The following CWH43 variants were observed in gnomAD, a reference collection of about 807,000 sequenced individuals.
The protein encoded by CWH43 is PGAP2-interacting protein.
In CWH43, 91 loss-of-function variants were observed where a neutral mutation model predicts 85.7. That is an observed-to-expected ratio of 1.06 (90% CI 0.90 to 1.26). The LOEUF (loss-of-function observed/expected upper bound fraction) is 1.26. Ranked by LOEUF, CWH43 falls within the 50% of genes most tolerant of loss-of-function variation. The probability of loss-of-function intolerance (pLI) is 0.00; values close to 1 mark genes in which losing one functional copy is unlikely to be tolerated. For synonymous variants in CWH43, 323 were observed against 293.6 expected (o/e 1.10, Z -1.02); for missense variants, 869 against 839.2 (o/e 1.04, Z -0.44).
At chr4:49,007,969 T>C (rs928583947) in intron 8 of CWH43, among the ~76,000 whole-genome samples, 2 of 152,212 alleles carry the variant, frequency 1.3e-5, no homozygotes, top group Non-Finnish European at 2.9e-5. Context: ...TGATTTATAA[T>C]CCTTTGGGTA....
intron 15 of CWH43, among the ~76,000 whole-genome samples, chr4:49,056,454 C>A (rs1232683081): frequency 6.6e-6 from 1 of 152,060 alleles, no homozygotes; most frequent in Non-Finnish European, 1.5e-5. Flanking sequence ...AATTTTTTGG[C>A]ATATTATTGC....
chr4:48,987,981 G>T (rs1782544592), intron 1 of CWH43, among the ~76,000 whole-genome samples: 6 of 152,112 alleles, frequency 3.9e-5, no homozygotes, highest in Admixed American at 3.9e-4. Context: ...CTGACGGGAT[G>T]CCAAATTCAA....
At position 49,002,384 on chromosome 4, in the gene CWH43, A is replaced by G. The variant is rs544541651; in HGVS notation, c.803-1351A>G. On this transcript the variant is annotated intron_variant, in intron 6 of 15. Transcript: ENST00000226432. ...ATGTACATTAAAATGTTTTAGAAAA[A>G]AATTATTTACACTAGTAAATGTTCC... Among the ~76,000 whole-genome samples the G allele has an allele frequency of 2.0e-5, 3 of 152,298 alleles. No individual in the cohort carries two copies. The South Asian group carries it at 6.2e-4, about 32-fold the overall frequency.
Position 49,017,145 on chromosome 4 carries a change from A to G in CWH43, c.1187-104A>G, listed in dbSNP as rs1285710989. On this transcript the variant is annotated intron_variant, in intron 8 of 15. Transcript: ENST00000226432. ...AGGTCCTCCAAGAAGAACTTCCTGG[A>G]GGGTGCCATGGCACTGGAGCTGAGG... 8.6e-6 allele frequency: 8 copies of G among 929,076 alleles called. No individual in the cohort carries two copies. In the African/African-American group the frequency reaches 1.3e-4, roughly 15 times the overall value. The allele number at this position is 929,076 out of a possible 1,614,324, so 57.6% of individuals were successfully genotyped here.
intron 8 of CWH43, among the ~76,000 whole-genome samples, chr4:49,010,411 C>T (rs1367241972): frequency 2.0e-5 from 3 of 152,024 alleles, no homozygotes; most frequent in Non-Finnish European, 1.5e-5. Flanking sequence ...TTTTGTTAAT[C>T]TTTTCAAAAA....
chr4:49,056,565 TAGTA>T (rs890639840), intron 15 of CWH43, among the ~76,000 whole-genome samples: 1 of 152,108 alleles, frequency 6.6e-6, no homozygotes, highest in African/African-American at 2.4e-5. Context: ...CTTTTTTTCT[TAGTA>T]AGTCTAGCTA....
chr4:49,060,963 A>G (rs1244880908), intron 15 of CWH43, among the ~76,000 whole-genome samples: 2 of 152,212 alleles, frequency 1.3e-5, no homozygotes, highest in Admixed American at 6.5e-5. Flanking sequence ...TCCAAATAGT[A>G]TATTATGAAC....
chr4:48,990,658 G>A (rs1782631244), intron 2 of CWH43, among the ~76,000 whole-genome samples: 1 of 152,136 alleles, frequency 6.6e-6, no homozygotes, highest in Admixed American at 6.6e-5. Flanking sequence ...ACAAGGATGT[G>A]GGGAAATTGG....
rs752234349 is a variant in CWH43 at position 49,030,965 on chromosome 4, G to T, written c.1508+5G>T. On this transcript the variant is annotated splice_donor_5th_base_variant and intron_variant, in intron 11 of 15. Coordinates refer to ENST00000226432, the MANE Select transcript of CWH43 (RefSeq NM_025087.3). ...CACAAGGTATCACACTTGGGGGTGA[G>T]TATACCTTGGGAGTTAATCCCGAAG... 4.9e-5 allele frequency: 77 copies of T among 1,575,714 alleles called. No homozygotes were observed. The Admixed American group carries it at 1.5e-3, about 31-fold the overall frequency.
rs1784142350 is a variant in CWH43, at chr4:49,032,801, C to T, written c.1658+86C>T. On this transcript the variant is annotated intron_variant, in intron 12 of 15. Transcript: ENST00000226432. ...CTTTGATTTCTATGAAATCACCTTT[C>T]TCATTTTCTTCTTTTTTACCTCCCA... The T allele has an allele frequency of 2.0e-6, 3 of 1,498,838 alleles. No homozygotes were observed. The African/African-American group carries it at 4.2e-5, about 21-fold the overall frequency. 92.8% of individuals were successfully genotyped at this position (1,498,838 alleles called of 1,614,324 possible).
chr4:49,015,129 T>C (rs1783502226), intron 8 of CWH43, among the ~76,000 whole-genome samples: 1 of 152,182 alleles, frequency 6.6e-6, no homozygotes, highest in South Asian at 2.1e-4. Context: ...CTTTTAAGGG[T>C]TTAATCTATT....
At chr4:49,042,589 G>A (rs1471343776) in intron 13 of CWH43, among the ~76,000 whole-genome samples, 2 of 152,148 alleles carry the variant, frequency 1.3e-5, no homozygotes, top group East Asian at 3.9e-4. Flanking sequence ...CACCATGTAG[G>A]GAAGCGTTGA....
chr4:49,015,163 A>G (rs1783503606), intron 8 of CWH43, among the ~76,000 whole-genome samples: 1 of 151,776 alleles, frequency 6.6e-6, no homozygotes, highest in Admixed American at 6.6e-5. Context: ...CTGAATGTAT[A>G]TTTATCTAAT....
In CWH43 at chr4:49,028,646, C is replaced by G. The variant is rs1442873611; in HGVS notation, c.1284C>G (p.Val428=). The G allele has an allele frequency of 6.2e-7, 1 of 1,613,380 alleles. No homozygotes were observed. The highest frequency in any genetic ancestry group is 1.1e-5 in the South Asian group (1 of 90,962). Reference sequence around the variant, plus strand: ...TTCCTCAGGCACCAACCAAAGAGGTCTCTGCTGCCATCTGGCCTTTCAGGT... The same window carrying G: ...TTCCTCAGGCACCAACCAAAGAGGTGTCTGCTGCCATCTGGCCTTTCAGGT... ...KLGKVAPTKE[V]SAAIWPFRFG... is the part of the protein sequence containing the mutation. Residue 428 remains valine (V), a synonymous_variant, in exon 10 of 16, where the codon GTC becomes GTG. Coordinates refer to ENST00000226432, the MANE Select transcript of CWH43 (RefSeq NM_025087.3).
At chr4:49,053,970 T>C (rs1452549189) in intron 15 of CWH43, among the ~76,000 whole-genome samples, 1 of 152,196 alleles carries the variant, frequency 6.6e-6, no homozygotes, top group Non-Finnish European at 1.5e-5. Context: ...GGTTGTCTCT[T>C]CAGTCTGTTG....
At chr4:49,019,838 C>T (rs1783682549) in intron 9 of CWH43, among the ~76,000 whole-genome samples, 1 of 152,088 alleles carries the variant, frequency 6.6e-6, no homozygotes, top group Non-Finnish European at 1.5e-5. Context: ...CCTTGACCTC[C>T]CAAAGTGCTG....
intron 14 of CWH43, among the ~76,000 whole-genome samples, chr4:49,048,671 T>C (rs1411598928): frequency 6.6e-6 from 1 of 152,040 alleles, no homozygotes; most frequent in Non-Finnish European, 1.5e-5. Context: ...CTCTGGTGTC[T>C]CTTCTTATAA....
chr4:49,055,877 A>T (rs553335728), intron 15 of CWH43, among the ~76,000 whole-genome samples: 6 of 151,096 alleles, frequency 4.0e-5, no homozygotes, highest in Admixed American at 2.0e-4. Context: ...GATTACAGGC[A>T]TGAGCCACTA....
At chr4:49,046,765 G>T (rs1420808216) in intron 14 of CWH43, among the ~76,000 whole-genome samples, 1 of 152,146 alleles carries the variant, frequency 6.6e-6, no homozygotes, top group African/African-American at 2.4e-5. Flanking sequence ...TAGAGTGAGA[G>T]AAGTGATGTG....
Sources: gnomAD v4.1 joint callset for allele counts (sites outside exome capture counted in the v4.1 genomes callset) on GRCh38, gnomAD v4.1.1 for gene constraint, MANE v1.5 for transcripts, NCBI Gene and HGNC (gene_info 2026-07-23, HGNC 2026-07-21) for gene names.